The following TENM2 variants were observed in gnomAD, a reference collection of about 807,000 sequenced individuals.
TENM2 encodes the protein teneurin-2.
A neutral mutation model predicts 245.2 loss-of-function variants in TENM2; 52 were observed. That is an observed-to-expected ratio of 0.21 (90% CI 0.17 to 0.27). The LOEUF (loss-of-function observed/expected upper bound fraction) is 0.27. TENM2 is among the 10% of genes least tolerant of loss of function. The pLI is 1.00. For missense variants in TENM2, 3,046 were observed against 3,666.8 expected (o/e 0.83, Z 4.37); for synonymous variants, 1,363 against 1,438.9 (o/e 0.95, Z 1.19).
intron 2 of TENM2, among the ~76,000 whole-genome samples, chr5:167,749,373 C>T (rs1281599573): frequency 6.6e-6 from 1 of 152,118 alleles, no homozygotes; most frequent in South Asian, 2.1e-4. Flanking sequence ...GGAACGGTGG[C>T]TCATGCCTAT....
chr5:167,217,578 C>T, the TENM2 span, among the ~76,000 whole-genome samples: 2 of 151,816 alleles, frequency 1.3e-5, no homozygotes, highest in Admixed American at 1.3e-4. Context: ...CACCTGTGGC[C>T]GAGCTGTGCT....
chr5:167,849,001 A>G (rs1022706396), intron 2 of TENM2, among the ~76,000 whole-genome samples: 2 of 152,160 alleles, frequency 1.3e-5, no homozygotes, highest in Admixed American at 1.3e-4. Context: ...TGGTGGTTTA[A>G]GACAATGAAA....
At chr5:167,670,570 A>G (rs1277978903) in intron 2 of TENM2, among the ~76,000 whole-genome samples, 1 of 152,076 alleles carries the variant, frequency 6.6e-6, no homozygotes, top group Non-Finnish European at 1.5e-5. Flanking sequence ...TGATCATTCA[A>G]ATTGCAATGA....
At chr5:167,337,611 T>A (rs1757857374) in intron 1 of TENM2, among the ~76,000 whole-genome samples, 1 of 152,174 alleles carries the variant, frequency 6.6e-6, no homozygotes, top group African/African-American at 2.4e-5. Context: ...ACAGTTGAGT[T>A]GGGTTTTGTG....
At chr5:168,253,118 A>G (rs1252003167) in intron 27 of TENM2, among the ~76,000 whole-genome samples, 1 of 151,148 alleles carries the variant, frequency 6.6e-6, no homozygotes, top group Non-Finnish European at 1.5e-5. Context: ...AGGCATGTGC[A>G]ACCACGCCCA....
At chr5:167,247,822 T>A in the TENM2 span, among the ~76,000 whole-genome samples, 5 of 152,278 alleles carry the variant, frequency 3.3e-5, no homozygotes, top group Admixed American at 2.0e-4. Flanking sequence ...GAACCTCTAA[T>A]GGATTTTTTT....
chr5:167,083,562 T>C, the TENM2 span, among the ~76,000 whole-genome samples: 1 of 152,164 alleles, frequency 6.6e-6, no homozygotes, highest in Non-Finnish European at 1.5e-5. Flanking sequence ...TGACCTTAAA[T>C]GAGGCCAGCA....
chr5:166,992,383 T>G, the TENM2 span, among the ~76,000 whole-genome samples: 1 of 152,250 alleles, frequency 6.6e-6, no homozygotes, highest in African/African-American at 2.4e-5. Context: ...CTTTGAAGGC[T>G]TAATCTTTTT....
chr5:167,633,999 T>C (rs1779034591), intron 2 of TENM2, among the ~76,000 whole-genome samples: 1 of 152,160 alleles, frequency 6.6e-6, no homozygotes, highest in Admixed American at 6.5e-5. Flanking sequence ...ATGAATACCA[T>C]GGGTGTTGTA....
At chr5:168,150,008 A>G (rs1203226557) in intron 12 of TENM2, among the ~76,000 whole-genome samples, 2 of 152,118 alleles carry the variant, frequency 1.3e-5, no homozygotes, top group Non-Finnish European at 2.9e-5. Flanking sequence ...ACCATCCTAT[A>G]TAAGACAGTC....
the TENM2 span, among the ~76,000 whole-genome samples, chr5:167,079,565 G>A: frequency 1.3e-5 from 2 of 150,768 alleles, no homozygotes; most frequent in South Asian, 2.1e-4. Context: ...CACCCACCTC[G>A]GCTTCCCAAA....
the TENM2 span, among the ~76,000 whole-genome samples, chr5:167,070,474 G>A: frequency 6.8e-4 from 103 of 151,884 alleles, no homozygotes; most frequent in Middle Eastern, 6.8e-3. Context: ...CATGGTGTGA[G>A]TTTGACAGTT....
chr5:167,792,141 A>G (rs1765021404), intron 2 of TENM2, among the ~76,000 whole-genome samples: 1 of 152,180 alleles, frequency 6.6e-6, no homozygotes, highest in Non-Finnish European at 1.5e-5. Flanking sequence ...TTGCTCGTTT[A>G]TGGGATCTTC....
rs566396370 is a variant in TENM2, at chr5:168,224,293, G to A, written c.5109-1795G>A. Among the ~76,000 whole-genome samples, 9 of 152,294 alleles carry A rather than the reference G, an allele frequency of 5.9e-5. No homozygotes were observed. In the South Asian group the frequency reaches 1.2e-3, roughly 21 times the overall value. ...CCACCCCATGCCTGGGGCCCTGGGC[G>A]AGTGATAGCGGTGGATCCTGAGCTC... On this transcript the variant is annotated intron_variant, in intron 23 of 28. Coordinates refer to ENST00000518659, the Ensembl canonical transcript of TENM2.
chr5:168,110,848 ATTGAGAACT>A (rs1794620218), intron 9 of TENM2, among the ~76,000 whole-genome samples: 1 of 152,244 alleles, frequency 6.6e-6, no homozygotes, highest in Admixed American at 6.5e-5. Context: ...GTACTTATCG[ATTGAGAACT>A]TTTATAACTC....
At chr5:167,968,318 A>C (rs1296639447) in intron 4 of TENM2, among the ~76,000 whole-genome samples, 1 of 152,210 alleles carries the variant, frequency 6.6e-6, no homozygotes, top group Non-Finnish European at 1.5e-5. Flanking sequence ...GTATTTTTCA[A>C]ATCCCTTATT....
intron 1 of TENM2, among the ~76,000 whole-genome samples, chr5:167,319,346 C>A (rs1756578987): frequency 6.6e-6 from 1 of 152,078 alleles, no homozygotes; most frequent in African/African-American, 2.4e-5. Context: ...ATACTACTTT[C>A]TTTTGGTTAG....
chr5:167,422,680 T>C (rs903534143), intron 2 of TENM2, among the ~76,000 whole-genome samples: 2 of 152,206 alleles, frequency 1.3e-5, no homozygotes, highest in Non-Finnish European at 2.9e-5. Context: ...ATTTGATGTC[T>C]ATTTCCAAAA....
At chr5:167,738,248 T>C (rs1264205920) in intron 2 of TENM2, among the ~76,000 whole-genome samples, 1 of 152,166 alleles carries the variant, frequency 6.6e-6, no homozygotes, top group East Asian at 1.9e-4. Context: ...TCTAATTGTT[T>C]ATATAATAAG....
Sources: allele counts gnomAD v4.1 joint callset (sites outside exome capture counted in the v4.1 genomes callset), GRCh38; gene constraint gnomAD v4.1.1; transcripts MANE v1.5; gene names NCBI Gene and HGNC (gene_info 2026-07-23, HGNC 2026-07-21).